RIMKLB: variants seen among roughly 807,000 people sequenced by gnomAD.
RIMKLB encodes ribosomal modification protein rimK like family member B, also known as beta-citrylglutamate synthase B.
RIMKLB carries 7 observed loss-of-function variants against 32.0 expected under a neutral mutation model. The observed-to-expected ratio is 0.22, with a 90% CI of 0.12 to 0.41. The LOEUF (loss-of-function observed/expected upper bound fraction) is 0.41. Among genes scored for constraint, RIMKLB ranks in the 10% least tolerant of loss-of-function variants. The pLI is 1.00. For missense variants in RIMKLB, 289 were observed against 498.7 expected (o/e 0.58, Z 4.00); for synonymous variants, 172 against 185.1 (o/e 0.93, Z 0.57).
At chr12:8,680,022 C>T (rs540445662), upstream of RIMKLB, among the ~76,000 whole-genome samples, 91 of 152,292 alleles carry the variant, frequency 6.0e-4, no homozygotes, top group Middle Eastern at 6.8e-3. Flanking sequence ...CCTACCAAAA[C>T]CAAAATGGAC....
At chr12:8,756,064 A>G (rs1453841462) in intron 5 of RIMKLB, among the ~76,000 whole-genome samples, 1 of 151,782 alleles carries the variant, frequency 6.6e-6, no homozygotes, top group African/African-American at 2.4e-5. Context: ...CTGAGGCATG[A>G]GAATCTCTTG....
chr12:8,753,916 A>G lies in RIMKLB; in HGVS notation c.520A>G (p.Lys174Glu). 1 of 1,613,886 alleles carries G rather than the reference A, an allele frequency of 6.2e-7. No individual in the cohort carries two copies. Among genetic ancestry groups the G allele is most frequent in the Non-Finnish European group, 8.5e-7 (1 of 1,179,794 alleles). The stretch of plus-strand genomic sequence containing the variant: ...TAAAGCTGTTTTCTTGGCTCGAGAT[A>G]AGCACCATTTGGCTGATCTAAGCCA... The part of the protein sequence containing the change: ...RGKAVFLARD[K>E]HHLADLSHLI... Residue 174 changes from lysine to glutamate, a missense_variant, in exon 5 of 6, where the codon AAG becomes GAG. Physicochemically the swap from Lys to Glu is moderately conservative, Grantham distance 56. Around this residue, in one of 3 missense-constraint regions of RIMKLB, gnomAD observed 156 missense variants for 329.5 expected, o/e 0.47. Coordinates refer to ENST00000535829, the MANE Select transcript of RIMKLB (RefSeq NM_001297776.2).
At chr12:8,691,949 T>G (rs924160997) in intron 1 of RIMKLB, among the ~76,000 whole-genome samples, 1 of 152,224 alleles carries the variant, frequency 6.6e-6, no homozygotes, top group Non-Finnish European at 1.5e-5. Context: ...TCTGGTTGGA[T>G]TCTATGGATG....
At chr12:8,733,994 C>T (rs7972763) in intron 2 of RIMKLB, among the ~76,000 whole-genome samples, 5,744 of 152,228 alleles carry the variant, frequency 0.038, 328 homozygotes, top group African/African-American at 0.12. Flanking sequence ...TTGAGGAGGA[C>T]ACTGTCCTCA....
rs56907483 is a variant in RIMKLB at position 8,682,817 on chromosome 12, A to AG, written n.219+999_219+1000insG. 5.2e-3 allele frequency among the ~76,000 whole-genome samples: 773 copies of AG among 149,806 alleles called. 8 individuals are homozygous for AG. The highest frequency in any genetic ancestry group is 0.017 in the African/African-American group (686 of 41,134). On this transcript the variant is annotated intron_variant and non_coding_transcript_variant, in intron 1 of 1. Transcript: ENST00000538758. ...AATAAATAAATTAAAAAAAAAAAAA[A>AG]AAAGAAACGAGGTTTCTCCATGTTG...
chr12:8,727,166 C>G (rs1045008265), intron 2 of RIMKLB, among the ~76,000 whole-genome samples: 1 of 151,678 alleles, frequency 6.6e-6, no homozygotes, highest in African/African-American at 2.4e-5. Context: ...TGCACACAGA[C>G]ACACACACAC....
chr12:8,755,875 C>T (rs141489503), intron 5 of RIMKLB, among the ~76,000 whole-genome samples: 6 of 151,998 alleles, frequency 3.9e-5, no homozygotes, highest in Admixed American at 1.3e-4. Context: ...TAGCTGGGGC[C>T]AAGCTTGGTG....
rs756862531 is a variant in RIMKLB, at chr12:8,742,005, A to G, written c.176-7857A>G. ...AACTTCCGCCTCCCAGGTTCAAGCA[A>G]TTCTCGTGCCTCAGCTTCCCAAGTA... is the stretch of plus-strand genomic sequence containing the variant. On this transcript the variant is annotated intron_variant, in intron 2 of 5. Transcript: ENST00000535829. 7.3e-5 allele frequency among the ~76,000 whole-genome samples: 11 copies of G among 151,432 alleles called. No homozygotes were observed. In the East Asian group the frequency reaches 7.8e-4, roughly 11 times the overall value.
At chr12:8,729,089 G>A (rs1946307754) in intron 2 of RIMKLB, among the ~76,000 whole-genome samples, 1 of 152,124 alleles carries the variant, frequency 6.6e-6, no homozygotes. Context: ...GTGTGTAGGG[G>A]AGGGTACCCA....
In RIMKLB at chr12:8,775,885, C is replaced by CACATACATATATTAATACCT. The variant is rs1950698540; in HGVS notation, c.*2102_*2121dup. The CACATACATATATTAATACCT allele has an allele frequency of 1.0e-6, 1 of 985,132 alleles. No individual in the cohort carries two copies. Among genetic ancestry groups the CACATACATATATTAATACCT allele is most frequent in the Non-Finnish European group, 1.2e-6 (1 of 829,718 alleles). The allele number at this position is 985,132 out of a possible 1,614,324, so 61.0% of individuals were successfully genotyped here. ...TCTTGCGCAGGGTAAATGGGGGACT[C>CACATACATATATTAATACCT]ACATACATATATTAATACCTCTGAC... is the stretch of plus-strand genomic sequence containing the variant. On this transcript the variant is annotated 3_prime_UTR_variant, in exon 6 of 6. Coordinates refer to ENST00000535829, the MANE Select transcript of RIMKLB (RefSeq NM_001297776.2).
Position 8,753,939 on chromosome 12 carries a change from C to T in RIMKLB, c.543C>T (p.Ser181=), listed in dbSNP as rs751063541. ...ARDKHHLADL[S]HLIRHEAPYL... is the part of the protein sequence containing the mutation. ...ATAAGCACCATTTGGCTGATCTAAG[C>T]CATCTTATTCGCCATGAAGCGCCAT... The change falls in exon 5 of 6, where the codon AGC becomes AGT. Residue 181 remains serine, a synonymous_variant. Transcript: ENST00000535829. The T allele has an allele frequency of 3.7e-6, 6 of 1,613,888 alleles. No homozygotes were observed. The Admixed American group carries it at 5.0e-5, about 13-fold the overall frequency.
intron 1 of RIMKLB, among the ~76,000 whole-genome samples, chr12:8,701,751 T>A (rs967088767): frequency 4.0e-5 from 6 of 151,670 alleles, no homozygotes; most frequent in African/African-American, 1.2e-4. Flanking sequence ...ACACCTGTAA[T>A]CCCAGCACTT....
rs779202298 is a variant in RIMKLB at position 8,776,418 on chromosome 12, TAA to T, written c.*2636_*2637del. 48 of 954,462 alleles carry T rather than the reference TAA, an allele frequency of 5.0e-5. No homozygotes were observed. Among genetic ancestry groups the T allele is most frequent in the Non-Finnish European group, 5.9e-5 (47 of 801,892 alleles). 59.1% of individuals were successfully genotyped at this position (954,462 alleles called of 1,614,324 possible). On this transcript the variant is annotated 3_prime_UTR_variant, in exon 6 of 6. Coordinates refer to ENST00000535829, the MANE Select transcript of RIMKLB (RefSeq NM_001297776.2). ...AACAAACAGCAGCAGATATTTAGGT[TAA>T]ACTTATTTTCATAATTGTTTAATAA...
chr12:8,721,634 A>G (rs1361088660), intron 2 of RIMKLB, among the ~76,000 whole-genome samples: 2 of 152,184 alleles, frequency 1.3e-5, no homozygotes, highest in Non-Finnish European at 2.9e-5. Flanking sequence ...TATTTCCTTC[A>G]CTGAAGTCTT....
upstream of RIMKLB, among the ~76,000 whole-genome samples, chr12:8,693,891 C>G (rs1195822596): frequency 1.3e-5 from 2 of 152,092 alleles, no homozygotes; most frequent in African/African-American, 4.8e-5. Flanking sequence ...GCCTGGACGC[C>G]AATGCTGATT....
At chr12:8,779,572 T>A (rs901013550), downstream of RIMKLB, 1 of 152,210 alleles carries the variant, frequency 6.6e-6, no homozygotes, top group East Asian at 1.9e-4. Context: ...TTGACTAGTC[T>A]TTGGTGCTTA....
chr12:8,782,038 A>T (rs12320578), downstream of RIMKLB, among the ~76,000 whole-genome samples: 4,192 of 151,104 alleles, frequency 0.028, 191 homozygotes, highest in African/African-American at 0.096. Context: ...TCCTTGAGAC[A>T]GGGTCTCACT....
At chr12:8,758,792 T>A (rs1364445185) in intron 5 of RIMKLB, among the ~76,000 whole-genome samples, 1 of 152,246 alleles carries the variant, frequency 6.6e-6, no homozygotes, top group Non-Finnish European at 1.5e-5. Flanking sequence ...ATAGTCTGTT[T>A]ATTACTACTT....
At chr12:8,782,639 C>A (rs752018310) in intron 7 of RIMKLB, among the ~76,000 whole-genome samples, 1 of 152,048 alleles carries the variant, frequency 6.6e-6, no homozygotes, top group Non-Finnish European at 1.5e-5. Context: ...AATAAGGTTG[C>A]TCTTGTAAAA....
Sources: allele counts gnomAD v4.1 joint callset (sites outside exome capture counted in the v4.1 genomes callset), GRCh38; gene constraint gnomAD v4.1.1; regional missense constraint gnomAD v4.1.1; transcripts MANE v1.5; gene names NCBI Gene and HGNC (gene_info 2026-07-23, HGNC 2026-07-21).